Variants in MAP3K4 observed in about 807,000 individuals in gnomAD.
The protein encoded by MAP3K4 is mitogen-activated protein kinase kinase kinase 4.
A neutral mutation model predicts 185.6 loss-of-function variants in MAP3K4; 67 were observed. The ratio of observed to expected loss-of-function variants is 0.36; its 90% CI spans 0.30 to 0.44. MAP3K4 has a LOEUF of 0.44. Ranked by LOEUF, MAP3K4 falls within the 20% of genes least tolerant of loss-of-function variation. The probability of loss-of-function intolerance (pLI) is 1.00; values close to 1 mark genes in which losing one functional copy is unlikely to be tolerated. For missense variants in MAP3K4, 1,551 were observed against 1,995.1 expected (o/e 0.78, Z 4.24); for synonymous variants, 702 against 710.4 (o/e 0.99, Z 0.19).
At chr6:160,994,774 C>T (rs147005484) in intron 1 of MAP3K4, among the ~76,000 whole-genome samples, 1,586 of 152,196 alleles carry the variant, frequency 0.01, 17 homozygotes, top group Non-Finnish European at 0.018. Context: ...GATCTCAGCT[C>T]GCTGCAACCT....
Position 161,106,617 on chromosome 6 carries a change from A to G in MAP3K4, c.3960A>G (p.Gln1320=). 6.2e-7 allele frequency: 1 copy of G among 1,614,132 alleles called. No individual in the cohort carries two copies. The highest frequency in any genetic ancestry group is 8.5e-7 in the Non-Finnish European group (1 of 1,179,986). The part of the protein sequence containing the change: ...REMRRKNIIG[Q]VCDTPKSYDN... Reference sequence around the variant, plus strand: ...TGAGGAGAAAGAATATCATTGGTCAAGTTTGTGATACGCCTAAGTCCTATG... The same window carrying G: ...TGAGGAGAAAGAATATCATTGGTCAGGTTTGTGATACGCCTAAGTCCTATG... The change falls in exon 20 of 27, where the codon CAA becomes CAG. Residue 1320 remains glutamine, a synonymous_variant. Coordinates refer to ENST00000392142, the MANE Select transcript of MAP3K4 (RefSeq NM_005922.4). This position sits in a 1 kb window ranked among gnomAD's most constrained non-coding sequence, Gnocchi z 4.9.
rs373435615 is a variant in MAP3K4 at position 161,106,738 on chromosome 6, G to C, written c.4048+33G>C. 34 of 1,548,692 alleles carry C rather than the reference G, an allele frequency of 2.2e-5. No individual in the cohort carries two copies. The highest frequency in any genetic ancestry group is 3.0e-5 in the Non-Finnish European group (34 of 1,135,240). On this transcript the variant is annotated intron_variant, in intron 20 of 26. Coordinates refer to ENST00000392142, the MANE Select transcript of MAP3K4 (RefSeq NM_005922.4). This position sits in a 1 kb window ranked among gnomAD's most constrained non-coding sequence, Gnocchi z 4.9. ...AATTAAGGAGCATGATGTCAAGATAGTCCCTGTTAGAAGTAGCAATAGTTA... is the reference window on the plus strand; with the variant it reads ...AATTAAGGAGCATGATGTCAAGATACTCCCTGTTAGAAGTAGCAATAGTTA...
Position 161,041,912 on chromosome 6 carries a change from C to CTTTTTTTTTTTTTTTTTT in MAP3K4, c.344-6691_344-6690insTTTTTTTTTTTTTTTTTT, listed in dbSNP as rs1184107037. On this transcript the variant is annotated intron_variant, in intron 2 of 26. Transcript: ENST00000392142. ...GGGTAAAGGCCTTGAGTTATTGTTT[C>CTTTTTTTTTTTTTTTTTT]TTTTTTTTTTTTTCTTTTTTTTTTT... 7.8e-5 allele frequency among the ~76,000 whole-genome samples: 5 copies of CTTTTTTTTTTTTTTTTTT among 64,046 alleles called. 1 individual carries two copies. Among genetic ancestry groups the CTTTTTTTTTTTTTTTTTT allele is most frequent in the African/African-American group, 1.9e-4 (3 of 15,876 alleles). 42.0% of individuals were successfully genotyped at this position (64,046 alleles called of 152,430 possible). A position where few individuals can be genotyped will look rare whatever the true frequency, so the allele number is the denominator to read the frequency against.
chr6:161,105,793 G>A (rs1000277), intron 19 of MAP3K4, among the ~76,000 whole-genome samples: 3,441 of 151,736 alleles, frequency 0.023, 138 homozygotes, highest in African/African-American at 0.08. Context: ...TGGATATTTG[G>A]TTAGTAGGTA....
chr6:161,021,941 A>C (rs1782418580), intron 1 of MAP3K4, among the ~76,000 whole-genome samples: 1 of 152,166 alleles, frequency 6.6e-6, no homozygotes, highest in African/African-American at 2.4e-5. Flanking sequence ...ACAAAAAAAA[A>C]CAAAAGTGAA....
rs899483678 is a variant in MAP3K4, at chr6:160,992,207, C to G, written c.152+124C>G. The G allele has an allele frequency of 4.5e-6, 6 of 1,327,760 alleles. No individual in the cohort carries two copies. In the South Asian group the frequency reaches 9.9e-5, roughly 22 times the overall value. The allele number at this position is 1,327,760 out of a possible 1,614,324, so 82.2% of individuals were successfully genotyped here. On this transcript the variant is annotated intron_variant, in intron 1 of 26. Transcript: ENST00000392142. ...GAGGGAAGCATCCAGTCTCTGCAGG[C>G]TGGGGCGGGAGGGGCGCGGTGCATC... is the stretch of plus-strand genomic sequence containing the variant.
intron 19 of MAP3K4, among the ~76,000 whole-genome samples, chr6:161,105,641 G>T (rs1534020): frequency 0.8 from 121,140 of 152,028 alleles, 48,497 homozygotes; most frequent in East Asian, 0.97. Context: ...CAGGTATGAA[G>T]AAGATACTTT....
At chr6:161,089,856 T>G (rs928443478) in intron 11 of MAP3K4, among the ~76,000 whole-genome samples, 2 of 152,252 alleles carry the variant, frequency 1.3e-5, no homozygotes, top group Admixed American at 1.3e-4. Context: ...AGAAGATTTA[T>G]TTATTGTTTT....
rs764938987 is a variant in MAP3K4, at chr6:161,073,489, C to G, written c.1974C>G (p.Val658=). Residue 658 remains valine (V), a synonymous_variant, in exon 5 of 27, where the codon GTC becomes GTG. Coordinates refer to ENST00000392142, the MANE Select transcript of MAP3K4 (RefSeq NM_005922.4). This position sits in a 1 kb window ranked among gnomAD's most constrained non-coding sequence, Gnocchi z 4.2. ...IKQLVRECKE[V]LKGGLLMKQY... ...AGCTGGTGAGAGAGTGTAAGGAGGTCCTGAAGGGCGGCCTGCTGATGAAGC... is the reference window on the plus strand; with the variant it reads ...AGCTGGTGAGAGAGTGTAAGGAGGTGCTGAAGGGCGGCCTGCTGATGAAGC... 1 of 1,612,088 alleles carries G rather than the reference C, an allele frequency of 6.2e-7. No individual in the cohort carries two copies. Among genetic ancestry groups the G allele is most frequent in the African/African-American group, 1.3e-5 (1 of 74,734 alleles).
In MAP3K4 at chr6:161,112,032, CTTTG is replaced by C. The variant is rs1033418849; in HGVS notation, c.4519+80_4519+83del. 19 of 1,567,620 alleles carry C rather than the reference CTTTG, an allele frequency of 1.2e-5. No individual in the cohort carries two copies. Among genetic ancestry groups the C allele is most frequent in the South Asian group, 7.2e-5 (6 of 83,338 alleles). On this transcript the variant is annotated intron_variant, in intron 24 of 26. Coordinates refer to ENST00000392142, the MANE Select transcript of MAP3K4 (RefSeq NM_005922.4). The surrounding 1 kb of genome is among the most constrained non-coding windows in gnomAD (Gnocchi z 5.1). ...CTTGGGGCCTGCATGTTCCCTTCAC[CTTTG>C]TTTGTCAGTAGAGATGGGAGAGCAG...
intron 1 of MAP3K4, among the ~76,000 whole-genome samples, chr6:161,015,315 G>T (rs969087323): frequency 6.6e-6 from 1 of 151,800 alleles, no homozygotes; most frequent in Non-Finnish European, 1.5e-5. Flanking sequence ...TTGATGGTGG[G>T]GGGAGGGAGA....
intron 23 of MAP3K4, among the ~76,000 whole-genome samples, chr6:161,111,208 A>G (rs553860786): frequency 1.3e-5 from 2 of 152,344 alleles, no homozygotes; most frequent in South Asian, 2.1e-4. Context: ...AGGAGGTACC[A>G]TAGAACACAA....
At position 161,049,559 on chromosome 6, in the gene MAP3K4, C is replaced by T. The variant is rs1554278113; in HGVS notation, c.1287C>T (p.Ile429=). 3 of 1,614,106 alleles carry T rather than the reference C, an allele frequency of 1.9e-6. No homozygotes were observed. The highest frequency in any genetic ancestry group is 2.5e-6 in the Non-Finnish European group (3 of 1,179,996). ...ACATTGGCTGGCCAGTGTTTGAAATCCCTTCCCCTCGACCATCCAAAGGTA... is the reference window on the plus strand; with the variant it reads ...ACATTGGCTGGCCAGTGTTTGAAATTCCTTCCCCTCGACCATCCAAAGGTA... ...LSDIGWPVFE[I]PSPRPSKGNE... is the part of the protein sequence containing the mutation. The change falls in exon 3 of 27, where the codon ATC becomes ATT. Residue 429 remains isoleucine, a synonymous_variant. Transcript: ENST00000392142. This position sits in a 1 kb window ranked among gnomAD's most constrained non-coding sequence, Gnocchi z 8.4.
Position 161,064,113 on chromosome 6 carries a change from A to C in MAP3K4, c.1708-6495A>C, listed in dbSNP as rs1784597595. ...ACTTTTTCCCAGAATTCTTTTTTTC[A>C]GTTTGACCTGTACTAAATTGCCAGT... On this transcript the variant is annotated intron_variant, in intron 3 of 26. Coordinates refer to ENST00000392142, the MANE Select transcript of MAP3K4 (RefSeq NM_005922.4). The surrounding 1 kb of genome is among the most constrained non-coding windows in gnomAD (Gnocchi z 4.3). 6.6e-6 allele frequency among the ~76,000 whole-genome samples: 1 copy of C among 152,128 alleles called. No individual in the cohort carries two copies. Among genetic ancestry groups the C allele is most frequent in the Non-Finnish European group, 1.5e-5 (1 of 68,006 alleles).
chr6:161,042,992 G>A (rs1783559488), intron 2 of MAP3K4, among the ~76,000 whole-genome samples: 1 of 152,022 alleles, frequency 6.6e-6, no homozygotes, highest in African/African-American at 2.4e-5. Flanking sequence ...GCATGCGTGT[G>A]CCTATATATA....
chr6:161,045,761 A>G (rs1009561264), intron 2 of MAP3K4, among the ~76,000 whole-genome samples: 1 of 152,206 alleles, frequency 6.6e-6, no homozygotes, highest in Non-Finnish European at 1.5e-5. Flanking sequence ...TGTGGCCATT[A>G]TCAATAATGC....
At chr6:161,102,549 T>TA in intron 18 of MAP3K4, 150 bp from the exon 19 acceptor site, 3 of 550,722 alleles carry the variant, frequency 5.4e-6, no homozygotes, top group Non-Finnish European at 9.7e-6. Context: ...ATTGCAAAGA[T>TA]AGTTTCTCAC....
At chr6:161,046,539 G>A (rs975620138) in intron 2 of MAP3K4, among the ~76,000 whole-genome samples, 2 of 151,204 alleles carry the variant, frequency 1.3e-5, no homozygotes, top group East Asian at 1.9e-4. Flanking sequence ...AATAATAATA[G>A]TAGTTTGTAT....
At chr6:161,031,141 G>A (rs890770051) in intron 1 of MAP3K4, among the ~76,000 whole-genome samples, 2 of 152,216 alleles carry the variant, frequency 1.3e-5, no homozygotes, top group South Asian at 2.1e-4. Context: ...ATACTTTGAA[G>A]TCAGTAGTTG....
Sources: allele counts gnomAD v4.1 joint callset (sites outside exome capture counted in the v4.1 genomes callset), GRCh38; gene constraint gnomAD v4.1.1; non-coding constraint Gnocchi (gnomAD v3.1); transcripts MANE v1.5; gene names NCBI Gene and HGNC (gene_info 2026-07-23, HGNC 2026-07-21).